The following CDK5RAP1 variants were observed in gnomAD, a reference collection of about 807,000 sequenced individuals.
The protein encoded by CDK5RAP1 is CDK5RAP1 mitochondrial tRNA methylthiotransferase.
A neutral mutation model predicts 64.5 loss-of-function variants in CDK5RAP1; 62 were observed. That is an observed-to-expected ratio of 0.96 (90% CI 0.78 to 1.19). The LOEUF is 1.19. Among genes scored for constraint, CDK5RAP1 ranks in the 50% most tolerant of loss-of-function variants. The probability of loss-of-function intolerance (pLI) is 0.00; values close to 1 mark genes in which losing one functional copy is unlikely to be tolerated. For synonymous variants in CDK5RAP1, 250 were observed against 261.9 expected, an observed-to-expected ratio of 0.95 and a Z score of 0.44; for missense variants, 657 against 735.0, an observed-to-expected ratio of 0.89 and a Z score of 1.23.
chr20:33,394,479 CT>C (rs377029678), intron 3 of CDK5RAP1, among the ~76,000 whole-genome samples: 3,656 of 140,288 alleles, frequency 0.026, 90 homozygotes, highest in African/African-American at 0.073. Context: ...TATTTTTTTC[CT>C]TTTTTTTTTT....
At chr20:33,360,802 G>C (rs1982787440) in intron 12 of CDK5RAP1, among the ~76,000 whole-genome samples, 1 of 152,224 alleles carries the variant, frequency 6.6e-6, no homozygotes, top group Non-Finnish European at 1.5e-5. Context: ...TATGAGCGAT[G>C]CATTTGGAAA....
intron 8 of CDK5RAP1, among the ~76,000 whole-genome samples, chr20:33,376,505 A>G (rs142960794): frequency 6.6e-6 from 1 of 152,240 alleles, no homozygotes; most frequent in African/African-American, 2.4e-5. Context: ...GCTTAGGAAA[A>G]AAGATTCCTT....
chr20:33,376,743 C>T (rs369583314), intron 8 of CDK5RAP1, among the ~76,000 whole-genome samples: 4 of 152,134 alleles, frequency 2.6e-5, no homozygotes, highest in African/African-American at 4.8e-5. Context: ...CTATAGCTGT[C>T]GTAGATAGTG....
intron 11 of CDK5RAP1, 44 bp downstream of exon 11, chr20:33,370,455 A>T (rs765029786): frequency 6.2e-7 from 1 of 1,607,908 alleles, no homozygotes; most frequent in Non-Finnish European, 8.5e-7. Context: ...CCACCCCCAA[A>T]CTGGTCAGGA....
At position 33,370,494 on chromosome 20, in the gene CDK5RAP1, C is replaced by T. The variant is rs779285423; in HGVS notation, c.1392+5G>A. On this transcript the variant is annotated splice_donor_5th_base_variant and intron_variant, in intron 11 of 13. Coordinates refer to ENST00000346416, the MANE Select transcript of CDK5RAP1 (RefSeq NM_016408.4). ...ATGTCAGTCCTCCCCAACCCCAGGG[C>T]TCACCTGTCTCATGCTGTAGGCAAA... 1.9e-6 allele frequency: 3 copies of T among 1,613,866 alleles called. No homozygotes were observed. The highest frequency in any genetic ancestry group is 1.3e-5 in the African/African-American group (1 of 74,910).
intron 7 of CDK5RAP1, among the ~76,000 whole-genome samples, chr20:33,385,031 T>C (rs1404797583): frequency 6.6e-6 from 1 of 152,132 alleles, no homozygotes; most frequent in African/African-American, 2.4e-5. Flanking sequence ...CCACCTATTG[T>C]CCTCTTCTGC....
intron 8 of CDK5RAP1, among the ~76,000 whole-genome samples, chr20:33,379,063 C>T (rs116972962): frequency 0.024 from 3,597 of 152,222 alleles, 65 homozygotes; most frequent in Non-Finnish European, 0.037. Context: ...GATTCTCCCA[C>T]CTCAGTCTCC....
chr20:33,388,572 C>G (rs1361920489), intron 5 of CDK5RAP1, among the ~76,000 whole-genome samples: 1 of 120,472 alleles, frequency 8.3e-6, no homozygotes, highest in Non-Finnish European at 1.7e-5. Context: ...CTCTCCCTCT[C>G]CCCCTCTCCC....
chr20:33,389,937 A>ATT (rs34440890), intron 5 of CDK5RAP1, among the ~76,000 whole-genome samples: 4,118 of 145,080 alleles, frequency 0.028, 103 homozygotes, highest in African/African-American at 0.07. Context: ...ACACAATGGA[A>ATT]TTTTTTTTTT....
At chr20:33,361,955 CAAAA>C (rs11481557) in intron 12 of CDK5RAP1, among the ~76,000 whole-genome samples, 2 of 87,898 alleles carry the variant, frequency 2.3e-5, no homozygotes, top group Non-Finnish European at 2.1e-5. Flanking sequence ...GCCTCAGTCT[CAAAA>C]AAAAAAAAAA....
At chr20:33,359,719 G>A (rs1003775099) in intron 13 of CDK5RAP1, 5 of 156,254 alleles carry the variant, frequency 3.2e-5, no homozygotes, top group Non-Finnish European at 7.1e-5. Context: ...GGATGCTCTA[G>A]GGCATCAGTC....
intron 5 of CDK5RAP1, among the ~76,000 whole-genome samples, chr20:33,389,545 G>T (rs573454468): frequency 1.5e-3 from 228 of 148,238 alleles, no homozygotes; most frequent in Non-Finnish European, 2.5e-3. Flanking sequence ...AGGTGGGGGG[G>T]TCAGCCCCCG....
chr20:33,381,562 G>A (rs1042558441), intron 7 of CDK5RAP1, among the ~76,000 whole-genome samples: 1 of 152,066 alleles, frequency 6.6e-6, no homozygotes, highest in East Asian at 1.9e-4. Flanking sequence ...GAGTAGCTGG[G>A]ACTACAGGCG....
In CDK5RAP1 at chr20:33,396,936, A is replaced by G. The variant is rs762630354; in HGVS notation, c.129T>C (p.Ser43=). The stretch of plus-strand genomic sequence containing the variant: ...GAGCTCCATCCTCCTGCCTCTCTGG[A>G]CTGGGACACATGGTACTAGAGAGAC... ...HSSLSSTMCP[S]PERQEDGARK... Residue 43 remains serine, a synonymous_variant, in exon 2 of 14, where the codon AGT becomes AGC. Transcript: ENST00000346416. 1.2e-6 allele frequency: 2 copies of G among 1,614,178 alleles called. No individual in the cohort carries two copies. Among genetic ancestry groups the G allele is most frequent in the Non-Finnish European group, 1.7e-6 (2 of 1,180,016 alleles).
At chr20:33,376,462 C>T (rs918022829) in intron 8 of CDK5RAP1, among the ~76,000 whole-genome samples, 7 of 152,212 alleles carry the variant, frequency 4.6e-5, no homozygotes, top group African/African-American at 1.7e-4. Context: ...TGAGCCACCA[C>T]TGAATATTTT....
intron 10 of CDK5RAP1, among the ~76,000 whole-genome samples, chr20:33,371,446 C>T (rs1985002008): frequency 6.6e-6 from 1 of 152,184 alleles, no homozygotes; most frequent in Non-Finnish European, 1.5e-5. Context: ...CATACCTAGC[C>T]TCTGCATTAC....
chr20:33,398,097 C>T (rs1349887603), intron 1 of CDK5RAP1, among the ~76,000 whole-genome samples: 1 of 152,186 alleles, frequency 6.6e-6, no homozygotes, highest in East Asian at 1.9e-4. Flanking sequence ...AACAATTTGC[C>T]ACTTTCCATC....
At position 33,377,638 on chromosome 20, in the gene CDK5RAP1, T is replaced by C. The variant is rs544830523; in HGVS notation, c.1107+1823A>G. 3.9e-5 allele frequency among the ~76,000 whole-genome samples: 6 copies of C among 152,172 alleles called. No homozygotes were observed. The South Asian group carries it at 1.2e-3, about 32-fold the overall frequency. On this transcript the variant is annotated intron_variant, in intron 8 of 13. Transcript: ENST00000346416. ...CAAAAAGGCTGGGTTTTGTTGTTAG[T>C]GGTTTTTTTGGGTTTTCTTGTTTTT...
At chr20:33,390,141 G>C (rs1988135997) in intron 5 of CDK5RAP1, among the ~76,000 whole-genome samples, 1 of 151,958 alleles carries the variant, frequency 6.6e-6, no homozygotes, top group African/African-American at 2.4e-5. Context: ...AGTCCTCGTG[G>C]AACGTGCCTG....
Sources: gnomAD v4.1 joint callset for allele counts (sites outside exome capture counted in the v4.1 genomes callset) on GRCh38, gnomAD v4.1.1 for gene constraint, MANE v1.5 for transcripts, NCBI Gene and HGNC (gene_info 2026-07-23, HGNC 2026-07-21) for gene names.